Variants in NRG3 observed in about 807,000 individuals in gnomAD.
The protein encoded by NRG3 is pro-neuregulin-3, membrane-bound isoform.
A neutral mutation model predicts 66.9 loss-of-function variants in NRG3; 31 were observed. The ratio of observed to expected loss-of-function variants is 0.46; its 90% CI spans 0.35 to 0.63. NRG3 has a LOEUF of 0.63. NRG3 is among the 20% of genes least tolerant of loss of function. The pLI is 0.00. For missense variants in NRG3, 910 were observed against 878.9 expected (o/e 1.04, Z -0.45); for synonymous variants, 393 against 359.4 (o/e 1.09, Z -1.06).
intron 3 of NRG3, among the ~76,000 whole-genome samples, chr10:82,757,916 T>A (rs543133012): frequency 6.6e-6 from 1 of 152,098 alleles, no homozygotes; most frequent in African/African-American, 2.4e-5. Context: ...ATTTTTGGCT[T>A]GATTTGGTCA....
At chr10:81,892,618 C>T (rs1346037719) in intron 1 of NRG3, among the ~76,000 whole-genome samples, 1 of 151,994 alleles carries the variant, frequency 6.6e-6, no homozygotes, top group East Asian at 1.9e-4. Context: ...CACATTAGAA[C>T]ATAGCTGTAC....
intron 2 of NRG3, among the ~76,000 whole-genome samples, chr10:82,711,075 T>G (rs1452777128): frequency 6.6e-6 from 1 of 152,080 alleles, no homozygotes; most frequent in Non-Finnish European, 1.5e-5. Flanking sequence ...CTCAGCAGAT[T>G]GATTAATTGA....
intron 1 of NRG3, among the ~76,000 whole-genome samples, chr10:82,154,858 G>A (rs921564647): frequency 2.6e-5 from 4 of 151,442 alleles, no homozygotes; most frequent in Non-Finnish European, 5.9e-5. Flanking sequence ...ATAGTTTATT[G>A]TTAGTGTTAT....
intron 3 of NRG3, among the ~76,000 whole-genome samples, chr10:82,823,360 C>T (rs1010915398): frequency 6.6e-6 from 1 of 152,130 alleles, no homozygotes; most frequent in South Asian, 2.1e-4. Flanking sequence ...CAGGGATAGG[C>T]TTTGGGAACC....
chr10:82,240,641 G>A (rs1261106228), intron 1 of NRG3, among the ~76,000 whole-genome samples: 4 of 152,086 alleles, frequency 2.6e-5, no homozygotes, highest in African/African-American at 9.7e-5. Context: ...GAAATGCTTA[G>A]TTGATTATGT....
At chr10:82,324,698 C>G (rs1239704290) in intron 1 of NRG3, among the ~76,000 whole-genome samples, 2 of 152,092 alleles carry the variant, frequency 1.3e-5, no homozygotes, top group Non-Finnish European at 2.9e-5. Flanking sequence ...TATGTTAGTT[C>G]CAAATATTTT....
At chr10:82,078,323 T>C (rs7088269) in intron 1 of NRG3, among the ~76,000 whole-genome samples, 39,271 of 151,928 alleles carry the variant, frequency 0.26, 5,529 homozygotes, top group African/African-American at 0.37. Context: ...CTCACTGCTC[T>C]TTGTGGAGAG....
chr10:82,512,747 A>G (rs1358354025), intron 2 of NRG3, among the ~76,000 whole-genome samples: 1 of 152,104 alleles, frequency 6.6e-6, no homozygotes. Context: ...GCTTTATCAT[A>G]TATGTAAGTA....
intron 2 of NRG3, among the ~76,000 whole-genome samples, chr10:82,681,169 A>C (rs1260126717): frequency 6.6e-6 from 1 of 152,222 alleles, no homozygotes; most frequent in Non-Finnish European, 1.5e-5. Context: ...GGTAAGCTTT[A>C]GAAGGTGGCA....
intron 1 of NRG3, among the ~76,000 whole-genome samples, chr10:82,357,463 T>C (rs985582544): frequency 5.3e-5 from 8 of 152,200 alleles, no homozygotes; most frequent in African/African-American, 9.7e-5. Context: ...AGCTAGGTAA[T>C]TTATAAAGAA....
At chr10:82,514,035 T>C (rs980296156) in intron 2 of NRG3, among the ~76,000 whole-genome samples, 3 of 152,138 alleles carry the variant, frequency 2.0e-5, no homozygotes, top group African/African-American at 7.2e-5. Context: ...TAAATGAGGT[T>C]GTTTGTTTTT....
At chr10:82,566,425 C>G (rs2045407847) in intron 2 of NRG3, among the ~76,000 whole-genome samples, 1 of 151,806 alleles carries the variant, frequency 6.6e-6, no homozygotes, top group Admixed American at 6.6e-5. Flanking sequence ...GTTGGACCAC[C>G]TGAGAAGTAA....
intron 3 of NRG3, among the ~76,000 whole-genome samples, chr10:82,800,631 G>A (rs914714424): frequency 2.0e-5 from 3 of 152,176 alleles, no homozygotes; most frequent in African/African-American, 7.2e-5. Context: ...AATGATGAAA[G>A]TGGCATACAT....
At chr10:82,840,739 C>A (rs1407403687) in intron 3 of NRG3, among the ~76,000 whole-genome samples, 2 of 152,138 alleles carry the variant, frequency 1.3e-5, no homozygotes, top group Non-Finnish European at 2.9e-5. Context: ...CTGTTGGATT[C>A]TCTACCTCCA....
intron 4 of NRG3, among the ~76,000 whole-genome samples, chr10:82,913,249 C>G (rs1340042617): frequency 6.6e-6 from 1 of 151,992 alleles, no homozygotes; most frequent in Non-Finnish European, 1.5e-5. Context: ...AAAAGTACTT[C>G]CAATTACTTA....
At position 82,684,210 on chromosome 10, in the gene NRG3, G is replaced by A. The variant is rs910738604; in HGVS notation, c.954-54367G>A. On this transcript the variant is annotated intron_variant, in intron 2 of 8. Coordinates refer to ENST00000372141, the MANE Select transcript of NRG3 (RefSeq NM_001010848.4). ...AGCATCCCATTCCCTCAGGGATAAT[G>A]GGTAATGTAATCATGCTCTTGCACT... Among the ~76,000 whole-genome samples the A allele has an allele frequency of 3.9e-5, 6 of 152,172 alleles. No homozygotes were observed. The East Asian group carries it at 7.7e-4, about 20-fold the overall frequency.
intron 4 of NRG3, among the ~76,000 whole-genome samples, chr10:82,890,401 T>C (rs1460973487): frequency 1.3e-5 from 2 of 152,212 alleles, no homozygotes; most frequent in East Asian, 3.9e-4. Context: ...AATATCTTAT[T>C]ATGGTCTTTA....
chr10:82,175,617 C>A (rs2072967417), intron 1 of NRG3, among the ~76,000 whole-genome samples: 1 of 152,178 alleles, frequency 6.6e-6, no homozygotes, highest in Non-Finnish European at 1.5e-5. Context: ...TTAAACATTT[C>A]CATAACATGT....
chr10:82,452,004 T>A (rs1054088472), intron 2 of NRG3, among the ~76,000 whole-genome samples: 10 of 152,324 alleles, frequency 6.6e-5, no homozygotes, highest in African/African-American at 2.4e-4. Flanking sequence ...AGGATTCATA[T>A]CTCTTCTATT....
Sources: gnomAD v4.1 joint callset for allele counts (sites outside exome capture counted in the v4.1 genomes callset) on GRCh38, gnomAD v4.1.1 for gene constraint, MANE v1.5 for transcripts, NCBI Gene and HGNC (gene_info 2026-07-23, HGNC 2026-07-21) for gene names.